Variants in CTNND2 observed in about 807,000 individuals in gnomAD.
CTNND2 encodes catenin delta 2.
Under a neutral mutation model 144.4 loss-of-function variants are expected in CTNND2, and 22 were observed. That is an observed-to-expected ratio of 0.15 (90% confidence interval 0.11 to 0.22). The LOEUF (loss-of-function observed/expected upper bound fraction) is 0.22. Ranked by LOEUF, CTNND2 falls within the 10% of genes least tolerant of loss-of-function variation. The probability of loss-of-function intolerance (pLI) is 1.00; values close to 1 mark genes in which losing one functional copy is unlikely to be tolerated. For synonymous variants in CTNND2, 751 were observed against 695.6 expected (o/e 1.08, Z -1.25); for missense variants, 1,353 against 1,618.8 (o/e 0.84, Z 2.82).
chr5:11,467,891 A>T (rs1170067946), intron 3 of CTNND2, among the ~76,000 whole-genome samples: 1 of 152,246 alleles, frequency 6.6e-6, no homozygotes, highest in East Asian at 1.9e-4. Flanking sequence ...AGATAAATAC[A>T]AGTAACTTTC....
At chr5:11,032,146 G>A (rs1344153509) in intron 16 of CTNND2, among the ~76,000 whole-genome samples, 1 of 152,126 alleles carries the variant, frequency 6.6e-6, no homozygotes, top group Admixed American at 6.6e-5. Flanking sequence ...CAAATTCCTG[G>A]TGCTTCCTAC....
intron 2 of CTNND2, among the ~76,000 whole-genome samples, chr5:11,589,899 T>C (rs1286301810): frequency 1.3e-5 from 2 of 152,288 alleles, no homozygotes; most frequent in Middle Eastern, 3.4e-3. Flanking sequence ...CTTTCTTCAA[T>C]TCTAAAACAA....
intron 2 of CTNND2, among the ~76,000 whole-genome samples, chr5:11,657,258 A>G (rs1220964540): frequency 6.6e-6 from 1 of 152,110 alleles, no homozygotes; most frequent in African/African-American, 2.4e-5. Flanking sequence ...TCGTATTTTC[A>G]TTTTTTAAAG....
intron 6 of CTNND2, among the ~76,000 whole-genome samples, chr5:11,394,855 C>T (rs32042): frequency 0.34 from 51,528 of 151,914 alleles, 10,404 homozygotes; most frequent in East Asian, 0.54. Context: ...TTTAAATTTA[C>T]GAACCAGATA....
chr5:11,773,569 A>C (rs1453388877), intron 1 of CTNND2, among the ~76,000 whole-genome samples: 1 of 152,142 alleles, frequency 6.6e-6, no homozygotes, highest in Non-Finnish European at 1.5e-5. Flanking sequence ...ATCCCAGTAC[A>C]CTGGGAGGCT....
intron 10 of CTNND2, among the ~76,000 whole-genome samples, chr5:11,222,757 G>C (rs1739924748): frequency 6.6e-6 from 1 of 152,120 alleles, no homozygotes; most frequent in South Asian, 2.1e-4. Context: ...AGTGAACCCT[G>C]ATCACACCAC....
At chr5:11,136,781 C>T (rs2214599) in intron 12 of CTNND2, among the ~76,000 whole-genome samples, 62,287 of 152,082 alleles carry the variant, frequency 0.41, 14,532 homozygotes, top group Admixed American at 0.53. Context: ...AAATATATAT[C>T]GAAGCACAAG....
At chr5:11,128,179 C>T (rs1232290129) in intron 12 of CTNND2, among the ~76,000 whole-genome samples, 3 of 151,932 alleles carry the variant, frequency 2.0e-5, no homozygotes, top group African/African-American at 7.2e-5. Flanking sequence ...TGGCAGAGAT[C>T]CCAAGAGTAA....
chr5:11,886,864 T>C (rs1373920080), intron 1 of CTNND2, among the ~76,000 whole-genome samples: 3 of 152,108 alleles, frequency 2.0e-5, no homozygotes, highest in African/African-American at 7.2e-5. Context: ...TGCTCTTTGC[T>C]TCTATAAAAA....
At chr5:11,663,757 G>T (rs1345263243) in intron 2 of CTNND2, among the ~76,000 whole-genome samples, 2 of 151,962 alleles carry the variant, frequency 1.3e-5, no homozygotes, top group Non-Finnish European at 2.9e-5. Context: ...GTCATAATTT[G>T]ACCTAGGAAG....
intron 2 of CTNND2, among the ~76,000 whole-genome samples, chr5:11,697,257 G>A (rs1437681628): frequency 6.6e-6 from 1 of 152,110 alleles, no homozygotes; most frequent in Non-Finnish European, 1.5e-5. Flanking sequence ...ACCATTGGAA[G>A]CTGCCATTCC....
chr5:11,549,348 C>T (rs1224959097), intron 3 of CTNND2, among the ~76,000 whole-genome samples: 2 of 152,048 alleles, frequency 1.3e-5, no homozygotes, highest in Admixed American at 1.3e-4. Context: ...AATGAACAAA[C>T]GAATGGATGG....
chr5:11,855,921 T>C (rs188405867), intron 1 of CTNND2, among the ~76,000 whole-genome samples: 17 of 152,332 alleles, frequency 1.1e-4, no homozygotes, highest in Non-Finnish European at 1.6e-4. Context: ...TGCCGGATAA[T>C]TGAACTTGAC....
intron 7 of CTNND2, among the ~76,000 whole-genome samples, chr5:11,378,603 C>T (rs368466402): frequency 3.3e-5 from 5 of 152,260 alleles, no homozygotes; most frequent in African/African-American, 9.6e-5. Context: ...GTCCACAGCA[C>T]GGGAAGATTA....
intron 10 of CTNND2, among the ~76,000 whole-genome samples, chr5:11,206,395 A>G (rs1472581648): frequency 6.6e-6 from 1 of 152,170 alleles, no homozygotes; most frequent in Non-Finnish European, 1.5e-5. Flanking sequence ...ATGAGTTTCA[A>G]CTTTACTCAT....
At chr5:11,345,683 C>T (rs777817103) in intron 9 of CTNND2, among the ~76,000 whole-genome samples, 1 of 151,758 alleles carries the variant, frequency 6.6e-6, no homozygotes, top group African/African-American at 2.4e-5. Flanking sequence ...AATCCAATGG[C>T]TATGAATAAA....
intron 9 of CTNND2, among the ~76,000 whole-genome samples, chr5:11,289,559 A>G (rs1748108575): frequency 6.6e-6 from 1 of 152,206 alleles, no homozygotes; most frequent in Non-Finnish European, 1.5e-5. Flanking sequence ...TGCAGAGCCA[A>G]CTGCTCAGAC....
At chr5:11,516,878 C>T (rs186279732) in intron 3 of CTNND2, among the ~76,000 whole-genome samples, 224 of 152,202 alleles carry the variant, frequency 1.5e-3, no homozygotes, top group Middle Eastern at 0.01. Flanking sequence ...GCTCAACAAT[C>T]TTAAAAAAGA....
At chr5:11,723,933 G>A (rs879667654) in intron 2 of CTNND2, among the ~76,000 whole-genome samples, 6 of 151,998 alleles carry the variant, frequency 3.9e-5, no homozygotes, top group Non-Finnish European at 7.4e-5. Flanking sequence ...GCGGGCACCT[G>A]TAGTCCCAGC....
Sources: gnomAD v4.1 joint callset for allele counts (sites outside exome capture counted in the v4.1 genomes callset) on GRCh38, gnomAD v4.1.1 for gene constraint, MANE v1.5 for transcripts, NCBI Gene and HGNC (gene_info 2026-07-23, HGNC 2026-07-21) for gene names.